ZNF529: variants seen among roughly 807,000 people sequenced by gnomAD.
ZNF529 encodes zinc finger protein 529.
Under a neutral mutation model 10.1 loss-of-function variants are expected in ZNF529, and 11 were observed. That is an observed-to-expected ratio of 1.09 (90% CI 0.69 to 1.81). The LOEUF is 1.81. ZNF529 is among the 40% of genes most tolerant of loss of function. The pLI is 0.00. For missense variants in ZNF529, 624 were observed against 666.8 expected (o/e 0.94, Z 0.71); for synonymous variants, 204 against 215.7 (o/e 0.95, Z 0.47).
chr19:36,545,944 A>G lies in ZNF529; in HGVS notation c.*922T>C, dbSNP rs2034992543. The G allele has an allele frequency of 6.6e-6, 1 of 151,698 alleles. No homozygotes were observed. Among genetic ancestry groups the G allele is most frequent in the Non-Finnish European group, 1.5e-5 (1 of 67,910 alleles). 9.4% of individuals were successfully genotyped at this position (151,698 alleles called of 1,614,324 possible). On this transcript the variant is annotated 3_prime_UTR_variant, in exon 5 of 5. Coordinates refer to ENST00000591340, the MANE Select transcript of ZNF529 (RefSeq NM_020951.5). ...CCTGGTTGGTATAGCCTGCAGGTAA[A>G]AAGACTGCTTAAAGGAACTGGTTAT...
rs1555788435 is a variant in ZNF529, at chr19:36,572,327, A to AG, written c.14+5_14+6insC. 9 of 1,550,758 alleles carry AG rather than the reference A, an allele frequency of 5.8e-6. No homozygotes were observed. In the Admixed American group the frequency reaches 9.8e-5, roughly 17 times the overall value. On this transcript the variant is annotated splice_donor_region_variant and intron_variant, in intron 2 of 4. Coordinates refer to ENST00000591340, the MANE Select transcript of ZNF529 (RefSeq NM_020951.5). ...ACCAGGTAAATGAACAAAAAAAAAA[A>AG]CTAACCTTGAGTTGGCCATTAGTAC...
chr19:36,562,346 A>T (rs1399101024), intron 2 of ZNF529, among the ~76,000 whole-genome samples: 1 of 152,188 alleles, frequency 6.6e-6, no homozygotes. Flanking sequence ...CATGATTTAG[A>T]TAATACCTAG....
At chr19:36,595,293 ATTT>A (rs2036817267) in intron 1 of ZNF529, among the ~76,000 whole-genome samples, 1 of 152,208 alleles carries the variant, frequency 6.6e-6, no homozygotes, top group South Asian at 2.1e-4. Flanking sequence ...GCTTGACAAT[ATTT>A]ACAAAGAACT....
intron 4 of ZNF529, among the ~76,000 whole-genome samples, chr19:36,551,716 A>T (rs527381413): frequency 5.5e-4 from 84 of 152,344 alleles, no homozygotes; most frequent in African/African-American, 1.9e-3. Flanking sequence ...CAAAAACATT[A>T]GGTGAACCAC....
At position 36,547,601 on chromosome 19, in the gene ZNF529, G is replaced by A. The variant is rs755319994; in HGVS notation, c.957C>T (p.Phe319=). 10 of 1,613,720 alleles carry A rather than the reference G, an allele frequency of 6.2e-6. No homozygotes were observed. Among genetic ancestry groups the A allele is most frequent in the South Asian group, 5.5e-5 (5 of 91,044 alleles). The stretch of plus-strand genomic sequence containing the variant: ...GTTCGGTAAGCTGTGAATGAAATCT[G>A]AAGTCCTTGCCACATTCCATACATT... The part of the protein sequence containing the change: ...TYKCMECGKD[F]RFHSQLTEHQ... Residue 319 remains phenylalanine, a synonymous_variant, in exon 5 of 5, where the codon TTC becomes TTT. Transcript: ENST00000591340.
chr19:36,547,522 CCTT>C lies in ZNF529; in HGVS notation c.1033_1035del (p.Lys345del), dbSNP rs1034184330. The C allele has an allele frequency of 2.0e-5, 33 of 1,613,268 alleles. No individual in the cohort carries two copies. Among genetic ancestry groups the C allele is most frequent in the Non-Finnish European group, 2.7e-5 (32 of 1,179,398 alleles). ...ATGAGCTGTGAACTAATTCTAAAAACCTTCTCACAGTGCATACATTTGTAGGGT... is the reference window on the plus strand; with the variant it reads ...ATGAGCTGTGAACTAATTCTAAAAACCTCACAGTGCATACATTTGTAGGGT... On this transcript the variant is annotated inframe_deletion, in exon 5 of 5. Transcript: ENST00000591340.
chr19:36,551,671 T>C (rs2035263488), intron 4 of ZNF529, among the ~76,000 whole-genome samples: 1 of 152,204 alleles, frequency 6.6e-6, no homozygotes, highest in Admixed American at 6.5e-5. Context: ...AATGACAAAT[T>C]GAAACACACT....
chr19:36,603,025 A>C (rs1377692701), intron 1 of ZNF529, among the ~76,000 whole-genome samples: 3 of 151,930 alleles, frequency 2.0e-5, no homozygotes, highest in Non-Finnish European at 2.9e-5. Flanking sequence ...CCTCGGAAAA[A>C]CTTCCTGCCC....
At chr19:36,589,749 A>G (rs1325695004) in intron 1 of ZNF529, 8 of 152,176 alleles carry the variant, frequency 5.3e-5, no homozygotes, top group Non-Finnish European at 1.2e-4. Context: ...TATATGGATT[A>G]TCAACCAACT....
At chr19:36,580,369 C>T (rs934738189) in intron 2 of ZNF529, 11 of 151,912 alleles carry the variant, frequency 7.2e-5, no homozygotes, top group South Asian at 2.1e-4. Context: ...TCACCTATTA[C>T]GTACTATACA....
At chr19:36,577,615 G>A (rs2036357887), upstream of ZNF529, 1 of 152,968 alleles carries the variant, frequency 6.5e-6, no homozygotes, top group Admixed American at 6.5e-5. Context: ...GAGTAGCTGG[G>A]ACTAGAGGCA....
chr19:36,600,023 C>T (rs957906429), intron 1 of ZNF529, among the ~76,000 whole-genome samples: 4 of 152,070 alleles, frequency 2.6e-5, no homozygotes, highest in Admixed American at 6.6e-5. Context: ...CATGTGCCAC[C>T]GTGCCCAGCT....
rs964246145 is a variant in ZNF529, at chr19:36,563,136, T to C, written c.15-6939A>G. Among the ~76,000 whole-genome samples, 26 of 151,800 alleles carry C rather than the reference T, an allele frequency of 1.7e-4. No homozygotes were observed. The East Asian group carries it at 1.9e-3, about 11-fold the overall frequency. ...ACAAACAGACTAAGAAAGTTGCCTA[T>C]GGGTGCCAGGCGCGGTGGCTCACGC... On this transcript the variant is annotated intron_variant, in intron 2 of 4. Coordinates refer to ENST00000591340, the MANE Select transcript of ZNF529 (RefSeq NM_020951.5).
intron 2 of ZNF529, among the ~76,000 whole-genome samples, chr19:36,562,234 G>C (rs1260988954): frequency 6.6e-6 from 1 of 151,890 alleles, no homozygotes; most frequent in African/African-American, 2.4e-5. Context: ...AAAAAGAAAT[G>C]TCTGCCTTAT....
intron 3 of ZNF529, 37 bp downstream of exon 3, chr19:36,556,067 G>C: frequency 4.5e-6 from 7 of 1,545,890 alleles, no homozygotes; most frequent in Non-Finnish European, 6.1e-6. Flanking sequence ...ATCAGAAAAA[G>C]GAAATATCAC....
intron 1 of ZNF529, among the ~76,000 whole-genome samples, chr19:36,591,603 T>G (rs1294047735): frequency 2.6e-5 from 4 of 151,648 alleles, no homozygotes; most frequent in African/African-American, 4.9e-5. Flanking sequence ...CGCCTGCCTG[T>G]AGTCCCAGCT....
chr19:36,548,168 G>A lies in ZNF529; in HGVS notation c.390C>T (p.Asp130=), dbSNP rs551807727. 246 of 1,613,722 alleles carry A rather than the reference G, an allele frequency of 1.5e-4. No homozygotes were observed. Among genetic ancestry groups the A allele is most frequent in the Non-Finnish European group, 2.0e-4 (231 of 1,179,840 alleles). The change falls in exon 5 of 5, where the codon GAC becomes GAT. Residue 130 remains aspartate (D), a synonymous_variant. Transcript: ENST00000591340. ...RNDWQSKSKI[D]LQGPEVGYFS... is the part of the protein sequence containing the mutation. ...AATATCCCACTTCAGGTCCTTGTAA[G>A]TCAATCTTGCTTTTGCTTTGCCAGT...
At chr19:36,551,713 A>G (rs1453065707) in intron 4 of ZNF529, among the ~76,000 whole-genome samples, 3 of 152,220 alleles carry the variant, frequency 2.0e-5, no homozygotes, top group Admixed American at 6.5e-5. Flanking sequence ...TTGCAAAAAC[A>G]TTAGGTGAAC....
intron 2 of ZNF529, among the ~76,000 whole-genome samples, chr19:36,571,886 G>A (rs957482527): frequency 4.0e-5 from 6 of 151,284 alleles, no homozygotes; most frequent in African/African-American, 1.5e-4. Context: ...AAAACTCCCT[G>A]CCCTTGTTGA....
Sources: allele counts gnomAD v4.1 joint callset (sites outside exome capture counted in the v4.1 genomes callset), GRCh38; gene constraint gnomAD v4.1.1; transcripts MANE v1.5; gene names NCBI Gene and HGNC (gene_info 2026-07-23, HGNC 2026-07-21).